Variants in TANC2 observed in about 807,000 individuals in gnomAD.
TANC2 encodes tetratricopeptide repeat, ankyrin repeat and coiled-coil containing 2.
Under a neutral mutation model 210.5 loss-of-function variants are expected in TANC2, and 26 were observed. That is an observed-to-expected ratio of 0.12 (90% CI 0.09 to 0.17). The LOEUF (loss-of-function observed/expected upper bound fraction) is 0.17. TANC2 is among the 10% of genes least tolerant of loss of function. The pLI is 1.00. For missense variants in TANC2, 2,129 were observed against 2,608.9 expected, an observed-to-expected ratio of 0.82 and a Z score of 4.01; for synonymous variants, 931 against 967.1, an observed-to-expected ratio of 0.96 and a Z score of 0.69.
At chr17:63,163,088 T>G (rs111289080) in intron 5 of TANC2, among the ~76,000 whole-genome samples, 1 of 151,562 alleles carries the variant, frequency 6.6e-6, no homozygotes, top group African/African-American at 2.4e-5. Context: ...TGGTGATGAC[T>G]GTGAAATCTA....
chr17:63,133,379 A>G (rs1368944187), intron 4 of TANC2, among the ~76,000 whole-genome samples: 1 of 152,200 alleles, frequency 6.6e-6, no homozygotes, highest in Non-Finnish European at 1.5e-5. Flanking sequence ...TGCTGGGATT[A>G]CAGGCGTGAG....
intron 2 of TANC2, among the ~76,000 whole-genome samples, chr17:63,068,276 C>T (rs1285775807): frequency 6.6e-6 from 1 of 151,876 alleles, no homozygotes; most frequent in Non-Finnish European, 1.5e-5. Context: ...TACCAATTCG[C>T]GTTGTTTAGC....
At chr17:62,983,435 C>T (rs1168957102) in intron 1 of TANC2, among the ~76,000 whole-genome samples, 5 of 151,866 alleles carry the variant, frequency 3.3e-5, no homozygotes, top group Non-Finnish European at 5.9e-5. Context: ...TTGACTTTCT[C>T]CTTTGTAATT....
intron 2 of TANC2, among the ~76,000 whole-genome samples, chr17:63,042,603 TA>T (rs1039832029): frequency 3.9e-5 from 6 of 152,130 alleles, no homozygotes; most frequent in African/African-American, 1.4e-4. Context: ...AACATTGTAT[TA>T]AAAAATACTC....
chr17:63,391,887 T>A (rs2047989327), intron 17 of TANC2: 1 of 152,072 alleles, frequency 6.6e-6, no homozygotes, highest in Non-Finnish European at 1.5e-5. Context: ...CCACCACGCC[T>A]GGCTAATTTT....
intron 9 of TANC2, among the ~76,000 whole-genome samples, chr17:63,275,972 A>C (rs2043859330): frequency 6.6e-6 from 1 of 152,172 alleles, no homozygotes; most frequent in African/African-American, 2.4e-5. Flanking sequence ...TTAAAGAATA[A>C]ACTTCCCAAT....
At chr17:63,025,816 T>TAAAATTAAAATAAAATAAAA (rs1188831436) in intron 2 of TANC2, among the ~76,000 whole-genome samples, 4 of 107,850 alleles carry the variant, frequency 3.7e-5, no homozygotes, top group African/African-American at 2.3e-4. Flanking sequence ...TAAAATAAAA[T>TAAAATTAAAATAAAATAAAA]TAAATTAAAA....
At chr17:63,265,160 C>A (rs1210571257) in intron 8 of TANC2, among the ~76,000 whole-genome samples, 1 of 152,178 alleles carries the variant, frequency 6.6e-6, no homozygotes, top group Non-Finnish European at 1.5e-5. Flanking sequence ...TATTCCTAAT[C>A]TGAAATGCTC....
chr17:63,343,548 C>T (rs765588559), intron 12 of TANC2, among the ~76,000 whole-genome samples: 4 of 152,136 alleles, frequency 2.6e-5, no homozygotes, highest in Non-Finnish European at 5.9e-5. Context: ...ATTTTTATCC[C>T]GCTAAACTAT....
chr17:63,042,614 C>T (rs74431872), intron 2 of TANC2, among the ~76,000 whole-genome samples: 4,509 of 152,060 alleles, frequency 0.03, 83 homozygotes, highest in South Asian at 0.037. Context: ...AAAAAATACT[C>T]GATTACAGCA....
chr17:63,353,283 A>G (rs1177971982), intron 13 of TANC2, among the ~76,000 whole-genome samples: 1 of 152,158 alleles, frequency 6.6e-6, no homozygotes, highest in Non-Finnish European at 1.5e-5. Flanking sequence ...GGTGTCAGCA[A>G]GAGAGAAGAC....
chr17:63,107,198 T>C (rs2037860062), intron 4 of TANC2, among the ~76,000 whole-genome samples: 1 of 151,642 alleles, frequency 6.6e-6, no homozygotes, highest in Non-Finnish European at 1.5e-5. Context: ...AGAAAGTGAT[T>C]TCAGTTTCCC....
chr17:63,406,649 G>A (rs1332897230), intron 21 of TANC2, among the ~76,000 whole-genome samples: 1 of 152,154 alleles, frequency 6.6e-6, no homozygotes, highest in Admixed American at 6.5e-5. Context: ...ATTCAAAGGA[G>A]GCAAATGCCA....
chr17:63,426,266 T>C (rs2049141016), exon 28 of TANC2: 1 of 152,232 alleles, frequency 6.6e-6, no homozygotes, highest in African/African-American at 2.4e-5. Flanking sequence ...CTACCATGAC[T>C]AACAACAATG....
At chr17:63,051,515 T>TACAAAA (rs2035581987) in intron 2 of TANC2, among the ~76,000 whole-genome samples, 1 of 152,230 alleles carries the variant, frequency 6.6e-6, no homozygotes, top group Non-Finnish European at 1.5e-5. Context: ...GGGATACATG[T>TACAAAA]GGATCTCACT....
At chr17:63,042,580 G>A (rs1324547478) in intron 2 of TANC2, among the ~76,000 whole-genome samples, 1 of 152,018 alleles carries the variant, frequency 6.6e-6, no homozygotes, top group Non-Finnish European at 1.5e-5. Flanking sequence ...TGTATAAGCT[G>A]TTTTTGACAA....
At chr17:63,045,291 TTAGA>T (rs1224553825) in intron 2 of TANC2, among the ~76,000 whole-genome samples, 6 of 152,228 alleles carry the variant, frequency 3.9e-5, no homozygotes, top group Non-Finnish European at 8.8e-5. Flanking sequence ...GACCCATGTT[TTAGA>T]TTGATCCTTA....
rs755043110 is a variant in TANC2 at position 63,073,964 on chromosome 17, CG to C, written c.91del (p.Asp31IlefsTer7). The stretch of plus-strand genomic sequence containing the variant: ...GCAGATGGAGGGAGCGAGGAACCAC[CG>C]GATCGAAGACAGTCAAGTGTAGACT... On this transcript the variant is annotated frameshift_variant, in exon 3 of 28. Transcript: ENST00000689528. LOFTEE classifies it high-confidence loss of function. The C allele has an allele frequency of 1.3e-6, 2 of 1,588,356 alleles. No homozygotes were observed.
exon 4 of TANC2, chr17:63,099,246 G>A: frequency 6.2e-7 from 1 of 1,609,718 alleles, no homozygotes; most frequent in Non-Finnish European, 8.5e-7. Flanking sequence ...AGTGAGTGAA[G>A]GTATGCAGCA....
Sources: allele counts gnomAD v4.1 joint callset (sites outside exome capture counted in the v4.1 genomes callset), GRCh38; gene constraint gnomAD v4.1.1; transcripts MANE v1.5; gene names NCBI Gene and HGNC (gene_info 2026-07-23, HGNC 2026-07-21).